Variants in RAPGEF5 observed in about 807,000 individuals in gnomAD.
RAPGEF5 encodes M-Ras-regulated GEF.
A neutral mutation model predicts 125.2 loss-of-function variants in RAPGEF5; 65 were observed. That is an observed-to-expected ratio of 0.52 (90% CI 0.43 to 0.64). The LOEUF is 0.64. RAPGEF5 is among the 30% of genes least tolerant of loss of function. RAPGEF5 has a pLI of 0.00. For synonymous variants in RAPGEF5, 391 were observed against 385.9 expected (o/e 1.01, Z -0.16); for missense variants, 958 against 1,048.1 (o/e 0.91, Z 1.19).
intron 6 of RAPGEF5, among the ~76,000 whole-genome samples, chr7:22,268,956 C>T (rs530464958): frequency 4.6e-5 from 7 of 151,998 alleles, no homozygotes; most frequent in African/African-American, 9.6e-5. Flanking sequence ...GGAGCATTTC[C>T]GGGGCACTTG....
At chr7:22,356,763 C>CG (rs981869496) in intron 1 of RAPGEF5, 67 bp downstream of exon 1, 10 of 908,852 alleles carry the variant, frequency 1.1e-5, no homozygotes, top group South Asian at 5.3e-5. Context: ...CTCAGCGGCC[C>CG]GGGGGGTGGG....
intron 1 of RAPGEF5, among the ~76,000 whole-genome samples, chr7:22,318,615 C>T (rs12333614): frequency 0.49 from 75,108 of 152,060 alleles, 18,908 homozygotes; most frequent in East Asian, 0.6. Context: ...CAGCAAAGCT[C>T]CTTCAGTTTA....
intron 7 of RAPGEF5, among the ~76,000 whole-genome samples, chr7:22,252,268 C>T (rs551085823): frequency 2.6e-5 from 4 of 152,172 alleles, no homozygotes; most frequent in Non-Finnish European, 5.9e-5. Context: ...GGCAACGTCA[C>T]CTTACTGGCA....
chr7:22,191,697 C>T, intron 11 of RAPGEF5: 1 of 469,436 alleles, frequency 2.1e-6, no homozygotes. Flanking sequence ...CTATATTTCC[C>T]AATAGCAGGC....
intron 5 of RAPGEF5, among the ~76,000 whole-genome samples, chr7:22,305,185 T>C (rs1783308047): frequency 6.6e-6 from 1 of 152,232 alleles, no homozygotes; most frequent in African/African-American, 2.4e-5. Context: ...TAATTTCCCC[T>C]CTTATTTAAT....
chr7:22,193,318 G>A, intron 11 of RAPGEF5, 49 bp downstream of exon 11: 1 of 1,536,386 alleles, frequency 6.5e-7, no homozygotes, highest in Non-Finnish European at 8.8e-7. Context: ...GTACTGACAA[G>A]GGCATCAGCT....
chr7:22,165,992 G>T (rs1048748820), intron 12 of RAPGEF5, among the ~76,000 whole-genome samples: 2 of 148,816 alleles, frequency 1.3e-5, no homozygotes, highest in South Asian at 2.1e-4. Flanking sequence ...GTTTTGGTAT[G>T]CCTATATATA....
At position 22,122,352 on chromosome 7, in the gene RAPGEF5, G is replaced by T; in HGVS notation, c.*54C>A. On this transcript the variant is annotated 3_prime_UTR_variant, in exon 26 of 26. Coordinates refer to ENST00000665637, the MANE Select transcript of RAPGEF5 (RefSeq NM_012294.5). ...ACAGGAAAGCAACGTGCTTGGCATA[G>T]ACATTCCCGTAGCTCAAAGTGCTGC... 2 of 1,403,946 alleles carry T rather than the reference G, an allele frequency of 1.4e-6. No individual in the cohort carries two copies. The highest frequency in any genetic ancestry group is 2.0e-6 in the Non-Finnish European group (2 of 995,288). The allele number at this position is 1,403,946 out of a possible 1,614,324, so 87.0% of individuals were successfully genotyped here.
chr7:22,175,333 G>T lies in RAPGEF5; in HGVS notation c.1205-8185C>A, dbSNP rs564292599. Among the ~76,000 whole-genome samples, 56 of 152,228 alleles carry T rather than the reference G, an allele frequency of 3.7e-4. 2 individuals are homozygous for T. The South Asian group carries it at 8.3e-3, about 23-fold the overall frequency. ...CATACTCTAGTTAAAAGGAACGAAGGATATTCTGATAATCAGTGGTCACAC... is the reference window on the plus strand; with the variant it reads ...CATACTCTAGTTAAAAGGAACGAAGTATATTCTGATAATCAGTGGTCACAC... On this transcript the variant is annotated intron_variant, in intron 11 of 25. Transcript: ENST00000665637.
intron 2 of RAPGEF5, among the ~76,000 whole-genome samples, chr7:22,316,466 T>C (rs1483684787): frequency 1.4e-5 from 1 of 71,814 alleles, no homozygotes; most frequent in Non-Finnish European, 2.5e-5. Context: ...TAGACATATA[T>C]ATATATATAT....
intron 21 of RAPGEF5, among the ~76,000 whole-genome samples, chr7:22,139,170 C>T (rs1783174534): frequency 6.6e-6 from 1 of 152,044 alleles, no homozygotes; most frequent in South Asian, 2.1e-4. Flanking sequence ...GAGTTGGGAA[C>T]CATGAAGAGA....
Position 22,266,864 on chromosome 7 carries a change from A to G in RAPGEF5, c.796+100T>C, listed in dbSNP as rs187107383. The G allele has an allele frequency of 9.6e-5, 118 of 1,233,714 alleles. 1 individual carries two copies. The Admixed American group carries it at 2.3e-3, about 24-fold the overall frequency. The allele number at this position is 1,233,714 out of a possible 1,614,324, so 76.4% of individuals were successfully genotyped here. On this transcript the variant is annotated intron_variant, in intron 7 of 25. Transcript: ENST00000665637. ...GGTATAATTCTTTGCATTCTACACC[A>G]TAACTTCCTGAGATACACTCAACTG... is the stretch of plus-strand genomic sequence containing the variant.
At chr7:22,157,788 C>G in intron 15 of RAPGEF5, 67 bp downstream of exon 15, 2 of 1,514,228 alleles carry the variant, frequency 1.3e-6, no homozygotes, top group Non-Finnish European at 1.8e-6. Context: ...ATGAAACACG[C>G]CAAGGGAGGC....
intron 7 of RAPGEF5, among the ~76,000 whole-genome samples, chr7:22,254,384 G>A (rs930701760): frequency 1.3e-5 from 2 of 151,672 alleles, no homozygotes; most frequent in African/African-American, 2.4e-5. Flanking sequence ...CGAGGCGGGC[G>A]GATCACCTGA....
chr7:22,232,294 A>G (rs1183543070), intron 7 of RAPGEF5, among the ~76,000 whole-genome samples: 1 of 149,484 alleles, frequency 6.7e-6, no homozygotes, highest in Non-Finnish European at 1.5e-5. Context: ...TTATTGATTC[A>G]GTTTACATTA....
intron 2 of RAPGEF5, among the ~76,000 whole-genome samples, chr7:22,316,087 T>G (rs1024394381): frequency 6.6e-6 from 1 of 152,108 alleles, no homozygotes; most frequent in African/African-American, 2.4e-5. Context: ...TTAAATATTC[T>G]AATTCCCCCA....
At chr7:22,158,308 G>A (rs116424701) in intron 14 of RAPGEF5, among the ~76,000 whole-genome samples, 3,574 of 152,272 alleles carry the variant, frequency 0.023, 51 homozygotes, top group Middle Eastern at 0.065. Context: ...ATTCAGCCAA[G>A]GCACATCTTC....
chr7:22,183,866 T>C (rs1784750285), intron 11 of RAPGEF5, among the ~76,000 whole-genome samples: 3 of 152,214 alleles, frequency 2.0e-5, no homozygotes, highest in Admixed American at 2.0e-4. Flanking sequence ...CATAAACTGT[T>C]AAGATGCCCA....
At chr7:22,200,179 C>T (rs1785244921) in intron 9 of RAPGEF5, among the ~76,000 whole-genome samples, 1 of 151,756 alleles carries the variant, frequency 6.6e-6, no homozygotes, top group South Asian at 2.1e-4. Flanking sequence ...AATGTGGGTA[C>T]AGCAGAATTA....
Sources: allele counts gnomAD v4.1 joint callset (sites outside exome capture counted in the v4.1 genomes callset), GRCh38; gene constraint gnomAD v4.1.1; transcripts MANE v1.5; gene names NCBI Gene and HGNC (gene_info 2026-07-23, HGNC 2026-07-21).